Variants in DOC2B observed in about 807,000 individuals in gnomAD.
DOC2B encodes double C2 domain beta.
In DOC2B, 21 loss-of-function variants were observed where a neutral mutation model predicts 28.9. The observed-to-expected ratio is 0.73, with a 90% CI of 0.52 to 1.05. The LOEUF (loss-of-function observed/expected upper bound fraction) is 1.05. Ranked by LOEUF, DOC2B falls within the 50% of genes least tolerant of loss-of-function variation. The probability of loss-of-function intolerance (pLI) is 0.00; values close to 1 mark genes in which losing one functional copy is unlikely to be tolerated. For synonymous variants in DOC2B, 194 were observed against 178.1 expected (o/e 1.09, Z -0.71); for missense variants, 384 against 421.1 (o/e 0.91, Z 0.77).
chr17:172,071 G>C (rs1436004569), intron 2 of DOC2B, among the ~76,000 whole-genome samples: 1 of 152,074 alleles, frequency 6.6e-6, no homozygotes, highest in African/African-American at 2.4e-5. Flanking sequence ...GAGGGCCTCT[G>C]GGCTCAGGCC....
Position 155,989 on chromosome 17 carries a change from C to G in DOC2B, c.923+231G>C, listed in dbSNP as rs943882609. The G allele has an allele frequency of 2.9e-5, 16 of 561,286 alleles. No homozygotes were observed. The African/African-American group carries it at 3.1e-4, about 11-fold the overall frequency. 34.8% of individuals were successfully genotyped at this position (561,286 alleles called of 1,614,324 possible). A position where few individuals can be genotyped will look rare whatever the true frequency, so the allele number is the denominator to read the frequency against. ...AGCATCAGGTGATAACTAATACCTGCATGACCCTGGGAAGCCACTCAGCTT... is the reference window on the plus strand; with the variant it reads ...AGCATCAGGTGATAACTAATACCTGGATGACCCTGGGAAGCCACTCAGCTT... On this transcript the variant is annotated intron_variant, in intron 6 of 8. Coordinates refer to ENST00000613549, the MANE Select transcript of DOC2B (RefSeq NM_003585.5).
In DOC2B at chr17:142,869, T is replaced by C. The variant is rs1334104188; in HGVS notation, c.*4572A>G. The stretch of plus-strand genomic sequence containing the variant: ...TGTACAATAAACTGTATTCAACAAT[T>C]GATCAACATTTTCTAACAAGGTGGA... On this transcript the variant is annotated 3_prime_UTR_variant, in exon 9 of 9. Transcript: ENST00000613549. The C allele has an allele frequency of 6.6e-6, 1 of 152,228 alleles. No homozygotes were observed. Among genetic ancestry groups the C allele is most frequent in the Non-Finnish European group, 1.5e-5 (1 of 68,044 alleles). The allele number at this position is 152,228 out of a possible 1,614,324, so 9.4% of individuals were successfully genotyped here. A position where few individuals can be genotyped will look rare whatever the true frequency, so the allele number is the denominator to read the frequency against.
intron 2 of DOC2B, among the ~76,000 whole-genome samples, chr17:164,611 C>A (rs1555523669): frequency 2.0e-5 from 3 of 152,154 alleles, no homozygotes; most frequent in South Asian, 2.1e-4. Context: ...TCCACATAAC[C>A]CCGGGACACA....
In DOC2B at chr17:143,750, T is replaced by A. The variant is rs1049112540; in HGVS notation, c.*3691A>T. On this transcript the variant is annotated 3_prime_UTR_variant, in exon 9 of 9. Transcript: ENST00000613549. ...ATATGTCATTATAAATATTAACAAA[T>A]AAGACTTAAAAAGGACACCTTCGGG... is the stretch of plus-strand genomic sequence containing the variant. 23 of 151,788 alleles carry A rather than the reference T, an allele frequency of 1.5e-4. No individual in the cohort carries two copies. Among genetic ancestry groups the A allele is most frequent in the Non-Finnish European group, 2.8e-4 (19 of 67,976 alleles). The allele number at this position is 151,788 out of a possible 1,614,324, so 9.4% of individuals were successfully genotyped here.
In DOC2B at chr17:181,050, G is replaced by T. The variant is rs961390102; in HGVS notation, c.373+57C>A. The stretch of plus-strand genomic sequence containing the variant: ...GGCGGAGGGAAGCCGCGAGGCCGTG[G>T]GGGGGCCGAGCCCGAGCCAGGGGAG... On this transcript the variant is annotated intron_variant, in intron 1 of 8. Coordinates refer to ENST00000613549, the MANE Select transcript of DOC2B (RefSeq NM_003585.5). This position sits in a 1 kb window ranked among gnomAD's most constrained non-coding sequence, Gnocchi z 7.0. The T allele has an allele frequency of 4.2e-6, 5 of 1,204,644 alleles. No individual in the cohort carries two copies. The East Asian group carries it at 1.7e-4, about 40-fold the overall frequency. The allele number at this position is 1,204,644 out of a possible 1,614,324, so 74.6% of individuals were successfully genotyped here.
intron 5 of DOC2B, among the ~76,000 whole-genome samples, chr17:156,581 A>C (rs2040138689): frequency 6.6e-6 from 1 of 151,568 alleles, no homozygotes; most frequent in East Asian, 1.9e-4. Context: ...TCTGACCCAC[A>C]CCCTCCCTGT....
Position 147,570 on chromosome 17 carries a change from C to G in DOC2B, c.1110G>C (p.Val370=). The G allele has an allele frequency of 5.0e-6, 2 of 398,894 alleles. No individual in the cohort carries two copies. The highest frequency in any genetic ancestry group is 8.8e-6 in the Non-Finnish European group (2 of 226,256). The allele number at this position is 398,894 out of a possible 1,614,324, so 24.7% of individuals were successfully genotyped here. A position where few individuals can be genotyped will look rare whatever the true frequency, so the allele number is the denominator to read the frequency against. The part of the protein sequence containing the change: ...IGKSNDFIGG[V]VLGIHAKGER... ...CCCCCTTGGCGTGGATGCCCAGAACCACACCACCTGCAGGAGGACAGGAGG... is the reference window on the plus strand; with the variant it reads ...CCCCCTTGGCGTGGATGCCCAGAACGACACCACCTGCAGGAGGACAGGAGG... The change falls in exon 9 of 9, where the codon GTG becomes GTC. Residue 370 remains valine (V), a synonymous_variant. Coordinates refer to ENST00000613549, the MANE Select transcript of DOC2B (RefSeq NM_003585.5).
At position 162,165 on chromosome 17, in the gene DOC2B, A is replaced by G; in HGVS notation, c.554T>C (p.Leu185Pro). Residue 185 changes from leucine (L) to proline (P), a missense_variant, in exon 4 of 9, where the codon CTC becomes CCC. Coordinates refer to ENST00000613549, the MANE Select transcript of DOC2B (RefSeq NM_003585.5). ...SKANKLRTKT[L>P]RNTLNPTWNE... ...CCATGTGGGGTTCAGAGTGTTACGG[A>G]GAGTTTTTGTTCTGAGCTTATTTGC... 1.3e-6 allele frequency: 2 copies of G among 1,551,816 alleles called. No homozygotes were observed. Among genetic ancestry groups the G allele is most frequent in the Non-Finnish European group, 1.7e-6 (2 of 1,146,974 alleles).
chr17:172,671 G>C (rs1013047144), intron 1 of DOC2B, 55 bp from the exon 2 acceptor site: 1 of 1,447,124 alleles, frequency 6.9e-7, no homozygotes. Context: ...GAGAGGCTTC[G>C]CCTGCCCCTG....
intron 3 of DOC2B, among the ~76,000 whole-genome samples, chr17:162,638 T>C (rs954408630): frequency 1.3e-5 from 2 of 152,282 alleles, no homozygotes; most frequent in African/African-American, 4.8e-5. Flanking sequence ...AGACCACTGC[T>C]GGACTTCTAA....
At chr17:162,413 A>T (rs2151467093) in intron 3 of DOC2B, among the ~76,000 whole-genome samples, 2 of 152,300 alleles carry the variant, frequency 1.3e-5, no homozygotes, top group Non-Finnish European at 2.9e-5. Flanking sequence ...CAGGGTTCTT[A>T]AAAGCAGAAG....
At chr17:158,917 T>G (rs1024091779) in intron 5 of DOC2B, among the ~76,000 whole-genome samples, 29 of 151,550 alleles carry the variant, frequency 1.9e-4, no homozygotes, top group African/African-American at 7.0e-4. Flanking sequence ...TGGTGGCGCA[T>G]GCCTGTAATC....
rs1427973470 is a variant in DOC2B, at chr17:143,058, C to G, written c.*4383G>C. 2.0e-5 allele frequency: 3 copies of G among 152,122 alleles called. No individual in the cohort carries two copies. The highest frequency in any genetic ancestry group is 7.2e-5 in the African/African-American group (3 of 41,414). The allele number at this position is 152,122 out of a possible 1,614,324, so 9.4% of individuals were successfully genotyped here. On this transcript the variant is annotated 3_prime_UTR_variant, in exon 9 of 9. Coordinates refer to ENST00000613549, the MANE Select transcript of DOC2B (RefSeq NM_003585.5). The stretch of plus-strand genomic sequence containing the variant: ...GACGGGCTGGCGTTAGTCAATACTC[C>G]ACGGCTGTTTGTTGGATGAGTGGAC...
In DOC2B at chr17:164,204, C is replaced by T. The variant is rs1284077064; in HGVS notation, c.454G>A (p.Gly152Ser). 1.3e-6 allele frequency: 2 copies of T among 1,551,708 alleles called. No homozygotes were observed. Among genetic ancestry groups the T allele is most frequent in the Non-Finnish European group, 1.7e-6 (2 of 1,146,718 alleles). Residue 152 changes from glycine (G) to serine (S), a missense_variant and splice_region_variant, in exon 3 of 9, where the codon GGC (glycine) becomes AGC (serine). Coordinates refer to ENST00000613549, the MANE Select transcript of DOC2B (RefSeq NM_003585.5). ...CCATTGTGGTCCATTGGCTTCAGGC[C>T]CTGGGCAGAGAAGAGCAAACGGTGT... The part of the protein sequence containing the change: ...ALHCTITKAK[G>S]LKPMDHNGLA...
At chr17:150,679 T>A (rs2040062996) in intron 6 of DOC2B, among the ~76,000 whole-genome samples, 2 of 152,186 alleles carry the variant, frequency 1.3e-5, no homozygotes, top group South Asian at 4.1e-4. Context: ...GGACAAAAGT[T>A]GGGATTAGGA....
chr17:157,751 G>A (rs918930132), intron 5 of DOC2B, among the ~76,000 whole-genome samples: 2 of 152,212 alleles, frequency 1.3e-5, no homozygotes, highest in Non-Finnish European at 2.9e-5. Flanking sequence ...GATAATACCT[G>A]CGTCATCTTT....
rs1295165212 is a variant in DOC2B, at chr17:181,120, C to T, written c.360G>A (p.Glu120=). 1.6e-6 allele frequency: 2 copies of T among 1,252,712 alleles called. No individual in the cohort carries two copies. The highest frequency in any genetic ancestry group is 6.4e-5 in the East Asian group (2 of 31,178). 77.6% of individuals were successfully genotyped at this position (1,252,712 alleles called of 1,614,324 possible). ...TGGGAAACTTACTGCAGTCGTCCGA[C>T]TCGTAGCCGTCGGCGTCCGGCTCGT... The part of the protein sequence containing the change: ...PEDEPDADGY[E]SDDCTALGTL... The change falls in exon 1 of 9, where the codon GAG becomes GAA. Residue 120 remains glutamate, a synonymous_variant. Coordinates refer to ENST00000613549, the MANE Select transcript of DOC2B (RefSeq NM_003585.5). The surrounding 1 kb of genome is among the most constrained non-coding windows in gnomAD (Gnocchi z 7.0).
intron 1 of DOC2B, among the ~76,000 whole-genome samples, chr17:180,424 G>C (rs937928650): frequency 6.6e-6 from 1 of 152,056 alleles, no homozygotes; most frequent in African/African-American, 2.4e-5. Flanking sequence ...CTCTGCCCGG[G>C]GGCCGCGGGC....
chr17:154,408 C>G (rs1165977617), intron 6 of DOC2B, among the ~76,000 whole-genome samples: 1 of 150,946 alleles, frequency 6.6e-6, no homozygotes, highest in Non-Finnish European at 1.5e-5. Context: ...TTCCACGCAC[C>G]TGCTACACTC....
Sources: gnomAD v4.1 joint callset for allele counts (sites outside exome capture counted in the v4.1 genomes callset) on GRCh38, gnomAD v4.1.1 for gene constraint, Gnocchi (gnomAD v3.1) non-coding constraint, MANE v1.5 for transcripts, NCBI Gene and HGNC (gene_info 2026-07-23, HGNC 2026-07-21) for gene names.